Variants in ARMC9 observed in about 807,000 individuals in gnomAD.
The protein encoded by ARMC9 is lisH domain-containing protein ARMC9.
Under a neutral mutation model 107.0 loss-of-function variants are expected in ARMC9, and 94 were observed. The ratio of observed to expected loss-of-function variants is 0.88; its 90% CI spans 0.74 to 1.04. The LOEUF (loss-of-function observed/expected upper bound fraction) is 1.04. Ranked by LOEUF, ARMC9 falls within the 50% of genes least tolerant of loss-of-function variation. ARMC9 has a pLI of 0.00. For missense variants in ARMC9, 942 were observed against 1,030.1 expected (o/e 0.91, Z 1.17); for synonymous variants, 380 against 396.9 (o/e 0.96, Z 0.51).
chr2:231,244,364 CTTTTT>C (rs780440851), intron 9 of ARMC9, among the ~76,000 whole-genome samples: 1 of 129,904 alleles, frequency 7.7e-6, no homozygotes. Flanking sequence ...GAATGTGGAT[CTTTTT>C]TTTTTTTTTT....
chr2:231,322,618 C>T (rs2043060986), intron 19 of ARMC9, among the ~76,000 whole-genome samples: 1 of 152,156 alleles, frequency 6.6e-6, no homozygotes, highest in Non-Finnish European at 1.5e-5. Context: ...TCCAGTTAAG[C>T]ATCTTGTAAT....
chr2:231,349,487 C>T (rs1428453497), intron 21 of ARMC9, among the ~76,000 whole-genome samples: 1 of 151,924 alleles, frequency 6.6e-6, no homozygotes, highest in Non-Finnish European at 1.5e-5. Flanking sequence ...GCCAAAAAAA[C>T]ACATAAAGAA....
chr2:231,266,192 G>A (rs757881019), intron 12 of ARMC9, among the ~76,000 whole-genome samples: 4 of 152,108 alleles, frequency 2.6e-5, no homozygotes, highest in Non-Finnish European at 5.9e-5. Flanking sequence ...AACATGCATC[G>A]TTATCTCCTG....
chr2:231,341,640 T>TAGATGATA (rs1553633323), intron 20 of ARMC9, among the ~76,000 whole-genome samples: 43 of 140,132 alleles, frequency 3.1e-4, no homozygotes, highest in African/African-American at 1.4e-3. Context: ...GATAGATAGA[T>TAGATGATA]GATAGATAGA....
rs773678881 is a variant in ARMC9 at position 231,276,670 on chromosome 2, C to T, written c.1369C>T (p.Leu457Phe). 1.2e-5 allele frequency: 20 copies of T among 1,614,080 alleles called. No individual in the cohort carries two copies. In the East Asian group the frequency reaches 4.0e-4, roughly 32 times the overall value. The change falls in exon 15 of 25, where the codon CTC (leucine) becomes TTC (phenylalanine). Residue 457 changes from leucine (L) to phenylalanine (F), a missense_variant. By Grantham distance (22) the Leu-to-Phe change is conservative. Coordinates refer to ENST00000611582, the MANE Select transcript of ARMC9 (RefSeq NM_001352754.2). ...GCAGACAGCGATGATTCAAGACGGC[C>T]TCATCTTCTGGCTGGTTGATGTTCT... The part of the protein sequence containing the change: ...PLQTAMIQDG[L>F]IFWLVDVLKD...
At position 231,370,055 on chromosome 2, in the gene ARMC9, G is replaced by T; in HGVS notation, c.2364G>T (p.Leu788=). The part of the protein sequence containing the change: ...PKAKASVLAP[L]FSSCGPQQAS... ...CAAAGGCGTCAGTTCTGGCCCCTCT[G>T]TTCTCTTCGTGTGGCCCCCAGCAGG... is the stretch of plus-strand genomic sequence containing the variant. Residue 788 remains leucine, a synonymous_variant, in exon 24 of 25, where the codon CTG becomes CTT. Coordinates refer to ENST00000611582, the MANE Select transcript of ARMC9 (RefSeq NM_001352754.2). The T allele has an allele frequency of 6.5e-7, 1 of 1,535,514 alleles. No individual in the cohort carries two copies. The highest frequency in any genetic ancestry group is 8.7e-7 in the Non-Finnish European group (1 of 1,146,570).
intron 21 of ARMC9, among the ~76,000 whole-genome samples, chr2:231,345,945 C>T (rs1389649089): frequency 6.6e-6 from 1 of 152,196 alleles, no homozygotes; most frequent in Non-Finnish European, 1.5e-5. Flanking sequence ...TGCCTGCCCT[C>T]ATGGAGCTCT....
At chr2:231,298,794 C>T (rs1157870151) in intron 19 of ARMC9, among the ~76,000 whole-genome samples, 1 of 152,138 alleles carries the variant, frequency 6.6e-6, no homozygotes, top group East Asian at 1.9e-4. Context: ...TTAGCTGGTT[C>T]ATGGTGGCGT....
chr2:231,268,606 A>G (rs7596334), intron 12 of ARMC9, among the ~76,000 whole-genome samples: 23,991 of 152,032 alleles, frequency 0.16, 4,182 homozygotes, highest in African/African-American at 0.43. Flanking sequence ...TTAGTTAATA[A>G]CGTCTAGAGA....
chr2:231,357,877 G>A (rs1310827005), intron 22 of ARMC9, among the ~76,000 whole-genome samples: 3 of 152,054 alleles, frequency 2.0e-5, no homozygotes, highest in Non-Finnish European at 2.9e-5. Flanking sequence ...GGCCCTCTTA[G>A]TCTCCTTTAA....
rs1452387490 is a variant in ARMC9, at chr2:231,306,344, A to G, written c.1773+10091A>G. Among the ~76,000 whole-genome samples, 27 of 152,182 alleles carry G rather than the reference A, an allele frequency of 1.8e-4. 1 individual carries two copies. Among genetic ancestry groups the G allele is most frequent in the Admixed American group, 1.8e-3 (27 of 15,266 alleles). ...GCTTCAAATCTAATTTAAATACCTG[A>G]TACATAAAGACTTGAGTCATTGCCA... On this transcript the variant is annotated intron_variant, in intron 19 of 24. Coordinates refer to ENST00000611582, the MANE Select transcript of ARMC9 (RefSeq NM_001352754.2).
intron 9 of ARMC9, among the ~76,000 whole-genome samples, chr2:231,249,734 C>A (rs929311254): frequency 6.6e-6 from 1 of 152,178 alleles, no homozygotes; most frequent in African/African-American, 2.4e-5. Flanking sequence ...TTCCACTGTT[C>A]TTCACCTGCA....
rs1410156564 is a variant in ARMC9, at chr2:231,255,349, A to G, written c.880-1237A>G. ...TTTAAACACGTGTAGAAAATGTTTG[A>G]CTTGGTACAAAGTGCACATTTTTAT... On this transcript the variant is annotated intron_variant, in intron 9 of 24. Coordinates refer to ENST00000611582, the MANE Select transcript of ARMC9 (RefSeq NM_001352754.2). The surrounding 1 kb of genome is among the most constrained non-coding windows in gnomAD (Gnocchi z 4.7). Among the ~76,000 whole-genome samples the G allele has an allele frequency of 6.6e-6, 1 of 152,150 alleles. No homozygotes were observed. Among genetic ancestry groups the G allele is most frequent in the Non-Finnish European group, 1.5e-5 (1 of 68,024 alleles).
intron 19 of ARMC9, among the ~76,000 whole-genome samples, chr2:231,331,057 A>G (rs1439379741): frequency 6.6e-6 from 1 of 152,136 alleles, no homozygotes; most frequent in African/African-American, 2.4e-5. Context: ...AGGGAGGATC[A>G]CTTGAGCCCA....
At chr2:231,288,799 G>T (rs978127640) in intron 17 of ARMC9, 6 of 454,820 alleles carry the variant, frequency 1.3e-5, no homozygotes, top group South Asian at 8.1e-5. Flanking sequence ...CTCTGCACCT[G>T]TGCTGCAGTA....
intron 14 of ARMC9, among the ~76,000 whole-genome samples, chr2:231,274,680 G>A (rs186290389): frequency 4.6e-5 from 7 of 151,858 alleles, no homozygotes; most frequent in African/African-American, 1.2e-4. Context: ...TTTTTCTGTC[G>A]GTCCTCTTCT....
chr2:231,354,908 T>C (rs981594783), intron 21 of ARMC9, among the ~76,000 whole-genome samples: 1 of 152,216 alleles, frequency 6.6e-6, no homozygotes, highest in Non-Finnish European at 1.5e-5. Flanking sequence ...AGCTGGCCCT[T>C]GCAACTGGCT....
chr2:231,341,629 AGATAGATAGAT>A lies in ARMC9; in HGVS notation c.1879-3334_1879-3324del, dbSNP rs1402032098. Among the ~76,000 whole-genome samples the A allele has an allele frequency of 5.5e-5, 6 of 109,632 alleles. No homozygotes were observed. The South Asian group carries it at 1.1e-3, about 20-fold the overall frequency. 71.9% of individuals were successfully genotyped at this position (109,632 alleles called of 152,430 possible). On this transcript the variant is annotated intron_variant, in intron 20 of 24. Coordinates refer to ENST00000611582, the MANE Select transcript of ARMC9 (RefSeq NM_001352754.2). The stretch of plus-strand genomic sequence containing the variant: ...ACAGAGATATAGATGATTGATTGAT[AGATAGATAGAT>A]GATAGATAGATAGATAGATAGATAG...
chr2:231,207,371 G>A (rs1406139265), intron 2 of ARMC9, among the ~76,000 whole-genome samples: 2 of 152,146 alleles, frequency 1.3e-5, no homozygotes, highest in African/African-American at 4.8e-5. Context: ...TGTTGCCCAG[G>A]CTGGTCTCAA....
Sources: gnomAD v4.1 joint callset for allele counts (sites outside exome capture counted in the v4.1 genomes callset) on GRCh38, gnomAD v4.1.1 for gene constraint, Gnocchi (gnomAD v3.1) non-coding constraint, MANE v1.5 for transcripts, NCBI Gene and HGNC (gene_info 2026-07-23, HGNC 2026-07-21) for gene names.